FOXP2: variants seen among roughly 807,000 people sequenced by gnomAD.
The protein encoded by FOXP2 is forkhead box P2.
In FOXP2, 12 loss-of-function variants were observed where a neutral mutation model predicts 115.8. The observed-to-expected ratio is 0.10, with a 90% CI of 0.07 to 0.17. The LOEUF is 0.17. Among genes scored for constraint, FOXP2 ranks in the 10% least tolerant of loss-of-function variants. The pLI is 1.00. For synonymous variants in FOXP2, 328 were observed against 297.7 expected, an observed-to-expected ratio of 1.10 and a Z score of -1.05; for missense variants, 629 against 843.5, an observed-to-expected ratio of 0.75 and a Z score of 3.15.
intron 2 of FOXP2, chr7:114,297,408 A>T (rs1411229137): frequency 1.5e-5 from 10 of 645,198 alleles, no homozygotes; most frequent in Non-Finnish European, 2.7e-5. Context: ...GCCCACTGTC[A>T]TAGGGGTAGC....
chr7:114,626,528 C>CAT (rs1203235617), intron 3 of FOXP2, among the ~76,000 whole-genome samples: 1 of 136,042 alleles, frequency 7.4e-6, no homozygotes, highest in Non-Finnish European at 1.7e-5. Context: ...TTATAGAAGG[C>CAT]ATATCTCTCT....
intron 1 of FOXP2, among the ~76,000 whole-genome samples, chr7:114,251,504 A>G (rs1416243582): frequency 7.9e-5 from 12 of 152,224 alleles, no homozygotes; most frequent in East Asian, 3.9e-4. Flanking sequence ...CCTCGAAGAA[A>G]TACTTCACAT....
chr7:114,151,329 T>C (rs1318060793), intron 1 of FOXP2, among the ~76,000 whole-genome samples: 1 of 152,036 alleles, frequency 6.6e-6, no homozygotes. Flanking sequence ...TGCAGAAATA[T>C]TTAGCATAAG....
chr7:114,411,183 A>G (rs1363397868), upstream of FOXP2, among the ~76,000 whole-genome samples: 1 of 152,150 alleles, frequency 6.6e-6, no homozygotes, highest in Non-Finnish European at 1.5e-5. Context: ...CGCCAAAGGT[A>G]TACCATATTC....
At chr7:114,534,759 G>T (rs983663698) in intron 3 of FOXP2, 53 bp downstream of exon 3, 129 of 1,411,376 alleles carry the variant, frequency 9.1e-5, no homozygotes, top group Non-Finnish European at 1.2e-4. Context: ...TGTTCATAAT[G>T]ATAACAGATG....
chr7:114,225,590 G>A (rs2129164839), intron 1 of FOXP2, among the ~76,000 whole-genome samples: 1 of 151,992 alleles, frequency 6.6e-6, no homozygotes, highest in East Asian at 1.9e-4. Context: ...GACTACGGGT[G>A]CATGCCACCA....
At chr7:114,650,705 C>T (rs1806199595) in intron 8 of FOXP2, among the ~76,000 whole-genome samples, 1 of 151,944 alleles carries the variant, frequency 6.6e-6, no homozygotes, top group African/African-American at 2.4e-5. Flanking sequence ...CAAACCTGAG[C>T]TGAGCTTAGA....
At chr7:114,470,256 TG>T (rs1795987978) in intron 2 of FOXP2, among the ~76,000 whole-genome samples, 2 of 152,172 alleles carry the variant, frequency 1.3e-5, no homozygotes, top group African/African-American at 4.8e-5. Context: ...ACAGGATCTT[TG>T]TTCAAAATCT....
In FOXP2 at chr7:114,092,891, A is replaced by T. The variant is rs541106646; in HGVS notation, c.-247+5053A>T. Among the ~76,000 whole-genome samples, 3 of 152,230 alleles carry T rather than the reference A, an allele frequency of 2.0e-5. No individual in the cohort carries two copies. The South Asian group carries it at 6.2e-4, about 32-fold the overall frequency. On this transcript the variant is annotated intron_variant, in intron 1 of 19. Coordinates refer to the FOXP2 transcript ENST00000635638. ...TAGTTTAGCTAAATGGCAACAAAAA[A>T]TGATCTTGTTCTATACATATAGTTT...
chr7:114,193,526 G>A (rs577861596), intron 1 of FOXP2, among the ~76,000 whole-genome samples: 1 of 151,742 alleles, frequency 6.6e-6, no homozygotes, highest in Non-Finnish European at 1.5e-5. Context: ...ATTTATATTT[G>A]AATGGAAAGT....
chr7:114,281,288 G>C (rs1796332023), intron 1 of FOXP2, among the ~76,000 whole-genome samples: 1 of 151,748 alleles, frequency 6.6e-6, no homozygotes, highest in Admixed American at 6.6e-5. Flanking sequence ...TTTTATTAGA[G>C]ACGGAGTTTC....
chr7:114,210,024 T>C (rs559005305), intron 1 of FOXP2, among the ~76,000 whole-genome samples: 1 of 152,300 alleles, frequency 6.6e-6, no homozygotes, highest in South Asian at 2.1e-4. Flanking sequence ...GGCTGTTGGC[T>C]GCTGTATTGT....
chr7:114,512,135 G>GCCAA (rs1321330462), intron 2 of FOXP2, among the ~76,000 whole-genome samples: 6 of 152,044 alleles, frequency 3.9e-5, no homozygotes, highest in Non-Finnish European at 5.9e-5. Context: ...TTTGTGAAAA[G>GCCAA]TCATGTTCTA....
intron 3 of FOXP2, among the ~76,000 whole-genome samples, chr7:114,579,489 C>A (rs909738941): frequency 6.6e-6 from 1 of 151,920 alleles, no homozygotes; most frequent in African/African-American, 2.4e-5. Flanking sequence ...GTGACTGTCG[C>A]CCACCCCAAA....
chr7:114,239,419 T>C (rs1302308150), intron 1 of FOXP2, among the ~76,000 whole-genome samples: 1 of 152,238 alleles, frequency 6.6e-6, no homozygotes, highest in Admixed American at 6.5e-5. Flanking sequence ...CCTTTTAATA[T>C]CTTTTATTCA....
intron 2 of FOXP2, among the ~76,000 whole-genome samples, chr7:114,512,467 G>A (rs1259879577): frequency 1.3e-5 from 2 of 152,158 alleles, no homozygotes; most frequent in East Asian, 3.9e-4. Flanking sequence ...CTAGATCTCA[G>A]AGGCCTAGAA....
intron 3 of FOXP2, among the ~76,000 whole-genome samples, chr7:114,547,694 GGTT>G (rs1404801976): frequency 5.9e-5 from 9 of 152,098 alleles, no homozygotes; most frequent in Admixed American, 1.3e-4. Flanking sequence ...GGGAGGCGGA[GGTT>G]GCAGTGAGTT....
intron 1 of FOXP2, among the ~76,000 whole-genome samples, chr7:114,128,179 G>A (rs1562973115): frequency 6.6e-6 from 1 of 152,106 alleles, no homozygotes; most frequent in Non-Finnish European, 1.5e-5. Flanking sequence ...TATTTCTACA[G>A]TTGTTTCTGT....
chr7:114,335,349 A>G (rs1458012062), intron 2 of FOXP2, among the ~76,000 whole-genome samples: 4 of 151,916 alleles, frequency 2.6e-5, no homozygotes, highest in Non-Finnish European at 5.9e-5. Flanking sequence ...ATTTTTCACA[A>G]AATGTTTTGT....
Sources: allele counts gnomAD v4.1 joint callset (sites outside exome capture counted in the v4.1 genomes callset), GRCh38; gene constraint gnomAD v4.1.1; transcripts MANE v1.5; gene names NCBI Gene and HGNC (gene_info 2026-07-23, HGNC 2026-07-21).